ARGFX: variants seen among roughly 807,000 people sequenced by gnomAD.
ARGFX encodes arginine-fifty homeobox.
Under a neutral mutation model 8.0 loss-of-function variants are expected in ARGFX, and 10 were observed. The observed-to-expected ratio is 1.25, with a 90% CI of 0.77 to 2.12. ARGFX has a LOEUF of 2.12. Ranked by LOEUF, ARGFX falls within the 30% of genes most tolerant of loss-of-function variation. The pLI is 0.00. For synonymous variants in ARGFX, 116 were observed against 117.8 expected, an observed-to-expected ratio of 0.98 and a Z score of 0.10; for missense variants, 282 against 324.3, an observed-to-expected ratio of 0.87 and a Z score of 1.00.
chr3:121,584,264 AAG>A (rs1560122461), intron 3 of ARGFX, among the ~76,000 whole-genome samples: 2 of 149,754 alleles, frequency 1.3e-5, no homozygotes, highest in South Asian at 2.1e-4. Context: ...GGAAGGAAGG[AAG>A]GAAAGAAAAG....
In ARGFX at chr3:121,587,881, G is replaced by T. The variant is rs549175694; in HGVS notation, c.*1281G>T. Among the ~76,000 whole-genome samples, 1 of 151,790 alleles carries T rather than the reference G, an allele frequency of 6.6e-6. No homozygotes were observed. Among genetic ancestry groups the T allele is most frequent in the Admixed American group, 6.6e-5 (1 of 15,232 alleles). On this transcript the variant is annotated 3_prime_UTR_variant, in exon 5 of 5. Coordinates refer to ENST00000334384, the MANE Select transcript of ARGFX (RefSeq NM_001012659.2). ...GCCTTGTTGCCCAGGCTGAATTTGG[G>T]TTTTTTTAAAATGAGACTTTCAGTC...
At chr3:121,569,317 ACT>A (rs2048693031) in intron 1 of ARGFX, among the ~76,000 whole-genome samples, 1 of 151,902 alleles carries the variant, frequency 6.6e-6, no homozygotes, top group African/African-American at 2.4e-5. Flanking sequence ...TACAACACAA[ACT>A]CAACAAGTAG....
At position 121,589,004 on chromosome 3, in the gene ARGFX, T is replaced by C. The variant is rs2048830791; in HGVS notation, c.*2404T>C. On this transcript the variant is annotated 3_prime_UTR_variant, in exon 5 of 5. Transcript: ENST00000334384. ...CAGTCTGAGCAACATGGCAAAACCC[T>C]GTGTCTACAAAAAATAAAAAATTAG... 6.6e-6 allele frequency among the ~76,000 whole-genome samples: 1 copy of C among 151,876 alleles called. No individual in the cohort carries two copies. The highest frequency in any genetic ancestry group is 2.4e-5 in the African/African-American group (1 of 41,346).
rs2048813583 is a variant in ARGFX, at chr3:121,586,469, G to A, written c.817G>A (p.Gly273Ser). 1.2e-6 allele frequency: 2 copies of A among 1,614,030 alleles called. No individual in the cohort carries two copies. Among genetic ancestry groups the A allele is most frequent in the Non-Finnish European group, 1.7e-6 (2 of 1,180,036 alleles). Residue 273 changes from glycine to serine, a missense_variant, in exon 5 of 5, where the codon GGT becomes AGT. Coordinates refer to ENST00000334384, the MANE Select transcript of ARGFX (RefSeq NM_001012659.2). ...GGGTTCCTCTCTCAGCATCTTTGCT[G>A]GTCCAGCTGTAGGCCTATCTCCTGC... ...GQGSSLSIFA[G>S]PAVGLSPAQT...
rs1380112489 is a variant in ARGFX, at chr3:121,587,003, C to T, written c.*403C>T. On this transcript the variant is annotated 3_prime_UTR_variant, in exon 5 of 5. Coordinates refer to ENST00000334384, the MANE Select transcript of ARGFX (RefSeq NM_001012659.2). Reference sequence around the variant, plus strand: ...CTCCTGGGCTCAGGTGATCCTCCCACCTCAGCCTCCTGAGTAGCTAGGACT... The same window carrying T: ...CTCCTGGGCTCAGGTGATCCTCCCATCTCAGCCTCCTGAGTAGCTAGGACT... Among the ~76,000 whole-genome samples, 1 of 152,128 alleles carries T rather than the reference C, an allele frequency of 6.6e-6. No homozygotes were observed. The highest frequency in any genetic ancestry group is 2.1e-4 in the South Asian group (1 of 4,832).
chr3:121,576,860 T>C lies in ARGFX; in HGVS notation c.180T>C (p.Thr60=), dbSNP rs765454816. Residue 60 remains threonine, a synonymous_variant, in exon 3 of 5, where the codon ACT becomes ACC. Transcript: ENST00000334384. ...GCAGCCTCAACCTCCCAGGTTCAAC[T>C]GATCCTCCCACCTCAGCCTCCCGAG... ...AYCSLNLPGS[T]DPPTSASRVA... The C allele has an allele frequency of 7.4e-5, 30 of 405,382 alleles. No homozygotes were observed. The highest frequency in any genetic ancestry group is 5.3e-4 in the South Asian group (30 of 56,090). The allele number at this position is 405,382 out of a possible 1,614,324, so 25.1% of individuals were successfully genotyped here. A position where few individuals can be genotyped will look rare whatever the true frequency, so the allele number is the denominator to read the frequency against.
intron 2 of ARGFX, among the ~76,000 whole-genome samples, chr3:121,576,076 G>A (rs760972442): frequency 2.0e-5 from 3 of 152,024 alleles, no homozygotes. Flanking sequence ...GACCCTCCAC[G>A]TAAACAGACA....
intron 3 of ARGFX, among the ~76,000 whole-genome samples, chr3:121,577,125 C>A (rs1400508587): frequency 7.2e-6 from 1 of 139,498 alleles, no homozygotes; most frequent in Non-Finnish European, 1.6e-5. Flanking sequence ...TTTTTGTAGT[C>A]TACTCTCTAT....
intron 3 of ARGFX, among the ~76,000 whole-genome samples, chr3:121,583,425 G>GTTTTATTTTA (rs1210601592): frequency 6.6e-6 from 1 of 151,374 alleles, no homozygotes; most frequent in South Asian, 2.1e-4. Context: ...TTTTTATTTT[G>GTTTTATTTTA]TTTTATTTTA....
rs756800220 is a variant in ARGFX at position 121,588,311 on chromosome 3, C to CAAAAAAAA, written c.*1724_*1731dup. ...TGAAATCCCGTCTCTACTAAAAATACAAAAAAAAAAAAAAAAAAAAGCCAG... is the reference window on the plus strand; with the variant it reads ...TGAAATCCCGTCTCTACTAAAAATACAAAAAAAAAAAAAAAAAAAAAAAAAAAAGCCAG... On this transcript the variant is annotated 3_prime_UTR_variant, in exon 5 of 5. Coordinates refer to ENST00000334384, the MANE Select transcript of ARGFX (RefSeq NM_001012659.2). Among the ~76,000 whole-genome samples the CAAAAAAAA allele has an allele frequency of 5.4e-4, 28 of 51,492 alleles. No homozygotes were observed. The highest frequency in any genetic ancestry group is 1.7e-3 in the East Asian group (4 of 2,388). The allele number at this position is 51,492 out of a possible 152,430, so 33.8% of individuals were successfully genotyped here. A position where few individuals can be genotyped will look rare whatever the true frequency, so the allele number is the denominator to read the frequency against.
intron 2 of ARGFX, among the ~76,000 whole-genome samples, chr3:121,573,848 CA>C (rs35593006): frequency 0.13 from 7,685 of 59,404 alleles, 95 homozygotes; most frequent in African/African-American, 0.18. Flanking sequence ...AACTCCATCT[CA>C]AAAAAAAAAA....
chr3:121,586,050 T>G lies in ARGFX; in HGVS notation c.398T>G (p.Leu133Trp). 1.3e-6 allele frequency: 2 copies of G among 1,585,864 alleles called. No homozygotes were observed. Among genetic ancestry groups the G allele is most frequent in the East Asian group, 4.5e-5 (2 of 44,684 alleles). ...KVWFRNRRFK[L>W]KKQQQQQSAK... ...TGGTTCAGGAACCGGCGATTCAAAT[T>G]GAAGAAGCAGCAGCAGCAGCAATCA... The change falls in exon 5 of 5, where the codon TTG becomes TGG. Residue 133 changes from leucine (L) to tryptophan (W), a missense_variant. Transcript: ENST00000334384.
Position 121,587,935 on chromosome 3 carries a change from C to G in ARGFX, c.*1335C>G, listed in dbSNP as rs1333260777. ...ATTTGAGGGGAAATTACTGTCACCACTAGTTTTAATATAGTACAATGAAAA... is the reference window on the plus strand; with the variant it reads ...ATTTGAGGGGAAATTACTGTCACCAGTAGTTTTAATATAGTACAATGAAAA... On this transcript the variant is annotated 3_prime_UTR_variant, in exon 5 of 5. Coordinates refer to ENST00000334384, the MANE Select transcript of ARGFX (RefSeq NM_001012659.2). Among the ~76,000 whole-genome samples, 1 of 150,470 alleles carries G rather than the reference C, an allele frequency of 6.6e-6. No homozygotes were observed. Among genetic ancestry groups the G allele is most frequent in the African/African-American group, 2.5e-5 (1 of 40,708 alleles).
At chr3:121,584,840 T>C (rs2048801645) in intron 3 of ARGFX, 77 bp from the exon 4 acceptor site, 1 of 1,507,848 alleles carries the variant, frequency 6.6e-7, no homozygotes. Context: ...ATTTGTTTTT[T>C]GGTTTTTGTT....
chr3:121,570,568 G>T (rs1166059558), intron 1 of ARGFX, 134 bp from the exon 2 acceptor site: 3 of 481,188 alleles, frequency 6.2e-6, no homozygotes, highest in Non-Finnish European at 1.1e-5. Context: ...TCATTTTCCA[G>T]CTGAGGTAGA....
intron 3 of ARGFX, among the ~76,000 whole-genome samples, 184 bp from the exon 4 acceptor site, chr3:121,584,733 T>G (rs1419414656): frequency 1.3e-5 from 2 of 152,186 alleles, no homozygotes; most frequent in African/African-American, 4.8e-5. Context: ...AGAGCATTGT[T>G]ACACAGGGCT....
chr3:121,585,943 G>A, intron 4 of ARGFX, 79 bp from the exon 5 acceptor site: 2 of 1,344,472 alleles, frequency 1.5e-6, no homozygotes, highest in Non-Finnish European at 2.0e-6. Context: ...ATTATAACCT[G>A]GCTGTTTTCA....
At chr3:121,570,840 T>C in intron 2 of ARGFX, 24 bp downstream of exon 2, 1 of 1,494,690 alleles carries the variant, frequency 6.7e-7, no homozygotes, top group Non-Finnish European at 9.1e-7. Context: ...TTCTTTGTCC[T>C]CTTTCCTTTT....
chr3:121,579,940 CTTTTCTT>C (rs1293398118), intron 3 of ARGFX, among the ~76,000 whole-genome samples: 3 of 43,256 alleles, frequency 6.9e-5, no homozygotes, highest in African/African-American at 2.6e-4. Flanking sequence ...CTTTTCTTTT[CTTTTCTT>C]TTTTTTTTTT....
Sources: gnomAD v4.1 joint callset for allele counts (sites outside exome capture counted in the v4.1 genomes callset) on GRCh38, gnomAD v4.1.1 for gene constraint, MANE v1.5 for transcripts, NCBI Gene and HGNC (gene_info 2026-07-23, HGNC 2026-07-21) for gene names.